The following ZNF618 variants were observed in gnomAD, a reference collection of about 807,000 sequenced individuals.
The protein encoded by ZNF618 is neural precursor cell expressed, developmentally down-regulated 10.
In ZNF618, 34 loss-of-function variants were observed where a neutral mutation model predicts 103.0. The ratio of observed to expected loss-of-function variants is 0.33; its 90% confidence interval spans 0.25 to 0.44. ZNF618 has a LOEUF of 0.44. Ranked by LOEUF, ZNF618 falls within the 20% of genes least tolerant of loss-of-function variation. The probability of loss-of-function intolerance (pLI) is 1.00; values close to 1 mark genes in which losing one functional copy is unlikely to be tolerated. For synonymous variants in ZNF618, 551 were observed against 542.2 expected, an observed-to-expected ratio of 1.02 and a Z score of -0.23; for missense variants, 1,059 against 1,295.4, an observed-to-expected ratio of 0.82 and a Z score of 2.80.
rs999226098 is a variant in ZNF618 at position 113,951,442 on chromosome 9, C to T, written c.34-17675C>T. Among the ~76,000 whole-genome samples, 98 of 49,208 alleles carry T rather than the reference C, an allele frequency of 2.0e-3. 8 individuals are homozygous for T. The highest frequency in any genetic ancestry group is 3.9e-3 in the African/African-American group (47 of 12,012). The allele number at this position is 49,208 out of a possible 152,430, so 32.3% of individuals were successfully genotyped here. On this transcript the variant is annotated intron_variant, in intron 1 of 14. Transcript: ENST00000374126. ...ATATATGTGTGTGTGTATATATATA[C>T]ATATATGTGTATATATACATATATG... is the stretch of plus-strand genomic sequence containing the variant.
chr9:114,016,766 G>A lies in ZNF618; in HGVS notation c.826G>A (p.Ala276Thr), dbSNP rs767303284. 55 of 1,613,244 alleles carry A rather than the reference G, an allele frequency of 3.4e-5. 1 individual carries two copies. The South Asian group carries it at 5.7e-4, about 17-fold the overall frequency. ...CTACACTCCCTACCAGGAGCATGTG[G>A]CCTTACACGCCCCCATCAGTGAGTA... ...KYYTPYQEHV[A>T]LHAPISTAPG... The change falls in exon 10 of 15, where the codon GCC becomes ACC. Residue 276 changes from alanine (A) to threonine (T), a missense_variant. Physicochemically the swap from Ala to Thr is moderately conservative, Grantham distance 58. This residue lies in a region of ZNF618 where 434 missense variants were observed against 476.0 expected (regional missense o/e 0.91). Transcript: ENST00000374126.
At chr9:113,971,139 A>G (rs574173745) in intron 2 of ZNF618, among the ~76,000 whole-genome samples, 6 of 151,490 alleles carry the variant, frequency 4.0e-5, no homozygotes, top group Non-Finnish European at 5.9e-5. Context: ...TGTAAGAACA[A>G]TGTGTGAGGT....
chr9:113,955,651 A>G (rs750408059), intron 1 of ZNF618, among the ~76,000 whole-genome samples: 3 of 151,752 alleles, frequency 2.0e-5, no homozygotes, highest in Non-Finnish European at 4.4e-5. Flanking sequence ...GAGTTTGAGC[A>G]TGTGTTCCAG....
At chr9:113,939,141 T>C (rs902846396) in intron 1 of ZNF618, among the ~76,000 whole-genome samples, 11 of 152,228 alleles carry the variant, frequency 7.2e-5, no homozygotes, top group Non-Finnish European at 1.6e-4. Context: ...GGTAGTGATA[T>C]TGGGCATTCT....
chr9:113,983,931 A>T (rs1839207723), intron 2 of ZNF618, among the ~76,000 whole-genome samples: 1 of 152,182 alleles, frequency 6.6e-6, no homozygotes, highest in South Asian at 2.1e-4. Context: ...CTTAGGAGGC[A>T]TATGTCCCAG....
rs1191014933 is a variant in ZNF618, at chr9:113,889,350, T to TCTCTCTCTCCCTCCCTCCCTCC, written c.33+12940_33+12941insTCTCTCCCTCCCTCCCTCCCTC. 1.3e-4 allele frequency among the ~76,000 whole-genome samples: 19 copies of TCTCTCTCTCCCTCCCTCCCTCC among 148,458 alleles called. No homozygotes were observed. In the East Asian group the frequency reaches 1.4e-3, roughly 11 times the overall value. On this transcript the variant is annotated intron_variant, in intron 1 of 14. Coordinates refer to ENST00000374126, the MANE Select transcript of ZNF618 (RefSeq NM_001318042.2). ...CTCTCTCTCTCTCTCTCTCTCTTTC[T>TCTCTCTCTCCCTCCCTCCCTCC]CTCCCTCCCTCTCCATGTGTGGTCT...
At chr9:113,952,910 T>C (rs923085016) in intron 1 of ZNF618, among the ~76,000 whole-genome samples, 3 of 152,206 alleles carry the variant, frequency 2.0e-5, no homozygotes, top group Non-Finnish European at 2.9e-5. Context: ...GTTTCCCCTG[T>C]TGGAAAGTAG....
chr9:113,898,210 T>TA (rs757441501), intron 1 of ZNF618, among the ~76,000 whole-genome samples: 14 of 152,218 alleles, frequency 9.2e-5, no homozygotes, highest in Non-Finnish European at 1.8e-4. Flanking sequence ...GAGTGTGTCT[T>TA]AGATGTCTTT....
intron 1 of ZNF618, among the ~76,000 whole-genome samples, chr9:113,907,101 G>A (rs938080443): frequency 1.3e-5 from 2 of 152,238 alleles, no homozygotes; most frequent in South Asian, 4.1e-4. Flanking sequence ...TTGGCCCAAT[G>A]AGGGCCATAG....
In ZNF618 at chr9:114,050,305, G is replaced by T; in HGVS notation, c.*138G>T. On this transcript the variant is annotated 3_prime_UTR_variant, in exon 15 of 15. Transcript: ENST00000374126. ...ATAAATGCCCCCTGGAAACTTAAGT[G>T]CTTTTTTTATATGTGTGTGTGTGCG... 1 of 1,075,412 alleles carries T rather than the reference G, an allele frequency of 9.3e-7. No individual in the cohort carries two copies. The highest frequency in any genetic ancestry group is 1.6e-5 in the African/African-American group (1 of 63,078). 66.6% of individuals were successfully genotyped at this position (1,075,412 alleles called of 1,614,324 possible).
intron 3 of ZNF618, among the ~76,000 whole-genome samples, chr9:113,992,811 G>A (rs1206414841): frequency 6.6e-6 from 1 of 152,192 alleles, no homozygotes; most frequent in African/African-American, 2.4e-5. Flanking sequence ...ATGGCATTTG[G>A]CAGCTTCTCC....
intron 1 of ZNF618, among the ~76,000 whole-genome samples, chr9:113,879,766 T>A (rs1201026482): frequency 1.3e-5 from 2 of 151,884 alleles, no homozygotes; most frequent in African/African-American, 2.4e-5. Context: ...AATGTTTTGC[T>A]TTTCTGCCTA....
rs2134735050 is a variant in ZNF618 at position 114,051,302 on chromosome 9, A to G, written c.*1135A>G. On this transcript the variant is annotated 3_prime_UTR_variant, in exon 15 of 15. Coordinates refer to ENST00000374126, the MANE Select transcript of ZNF618 (RefSeq NM_001318042.2). ...TCAGTTTTCACATATTCGAACGGCC[A>G]AGACCAGGTTCTTGGCTGTGCTATT... is the stretch of plus-strand genomic sequence containing the variant. 1 of 152,740 alleles carries G rather than the reference A, an allele frequency of 6.5e-6. No homozygotes were observed. The highest frequency in any genetic ancestry group is 1.5e-5 in the Non-Finnish European group (1 of 68,056). The allele number at this position is 152,740 out of a possible 1,614,324, so 9.5% of individuals were successfully genotyped here.
chr9:113,982,823 T>C (rs1190474006), intron 2 of ZNF618, among the ~76,000 whole-genome samples: 1 of 152,172 alleles, frequency 6.6e-6, no homozygotes, highest in East Asian at 1.9e-4. Flanking sequence ...TTGAGAATCA[T>C]TGCCTTAGAG....
chr9:113,997,096 C>T (rs1840691172), intron 3 of ZNF618, among the ~76,000 whole-genome samples: 1 of 151,216 alleles, frequency 6.6e-6, no homozygotes, highest in Admixed American at 6.6e-5. Context: ...CTTTCTTCTT[C>T]TTCTTTTTTC....
At chr9:114,003,668 C>T (rs996799168) in intron 6 of ZNF618, among the ~76,000 whole-genome samples, 9 of 152,156 alleles carry the variant, frequency 5.9e-5, no homozygotes, top group Non-Finnish European at 1.2e-4. Context: ...TAATTATTGC[C>T]GGTAGAAGTC....
At chr9:113,939,811 C>A (rs907386467) in intron 1 of ZNF618, among the ~76,000 whole-genome samples, 1 of 151,990 alleles carries the variant, frequency 6.6e-6, no homozygotes, top group Non-Finnish European at 1.5e-5. Context: ...TAGTCATAGC[C>A]ACTTTTTCAT....
chr9:113,974,742 C>T (rs1838327100), intron 2 of ZNF618, among the ~76,000 whole-genome samples: 2 of 152,124 alleles, frequency 1.3e-5, no homozygotes, highest in Admixed American at 6.5e-5. Flanking sequence ...TGCCCCCCTG[C>T]ACCCCCTGCC....
At chr9:113,954,078 TG>T (rs1836023270) in intron 1 of ZNF618, among the ~76,000 whole-genome samples, 4 of 152,100 alleles carry the variant, frequency 2.6e-5, no homozygotes, top group Admixed American at 2.0e-4. Flanking sequence ...AAAGAGGTTC[TG>T]GGGGTTGAGT....
Sources: gnomAD v4.1 joint callset for allele counts (sites outside exome capture counted in the v4.1 genomes callset) on GRCh38, gnomAD v4.1.1 for gene constraint, gnomAD v4.1.1 regional missense constraint, MANE v1.5 for transcripts, NCBI Gene and HGNC (gene_info 2026-07-23, HGNC 2026-07-21) for gene names.